PRKAR2A: variants seen among roughly 807,000 people sequenced by gnomAD.
The protein encoded by PRKAR2A is cAMP-dependent protein kinase type II-alpha regulatory subunit.
A neutral mutation model predicts 51.9 loss-of-function variants in PRKAR2A; 29 were observed. That is an observed-to-expected ratio of 0.56 (90% CI 0.42 to 0.76). PRKAR2A has a LOEUF of 0.76. Among genes scored for constraint, PRKAR2A ranks in the 30% least tolerant of loss-of-function variants. The pLI is 0.00. For synonymous variants in PRKAR2A, 178 were observed against 186.2 expected, an observed-to-expected ratio of 0.96 and a Z score of 0.36; for missense variants, 445 against 512.1, an observed-to-expected ratio of 0.87 and a Z score of 1.26.
At chr3:48,785,075 G>A (rs2082265724) in intron 4 of PRKAR2A, among the ~76,000 whole-genome samples, 1 of 147,772 alleles carries the variant, frequency 6.8e-6, no homozygotes, top group Non-Finnish European at 1.5e-5. Context: ...ATGGTATTGT[G>A]TTAACATAGG....
intron 1 of PRKAR2A, among the ~76,000 whole-genome samples, chr3:48,824,893 C>T (rs564625444): frequency 4.2e-4 from 63 of 151,662 alleles, no homozygotes; most frequent in South Asian, 1.9e-3. Flanking sequence ...TTGCAGTGAG[C>T]CGAGATCGTA....
At chr3:48,764,218 AC>A (rs2081904662) in intron 8 of PRKAR2A, among the ~76,000 whole-genome samples, 1 of 152,226 alleles carries the variant, frequency 6.6e-6, no homozygotes, top group South Asian at 2.1e-4. Flanking sequence ...AAAAATACAA[AC>A]ACAGCGGACA....
chr3:48,821,606 A>T (rs1212824766), intron 1 of PRKAR2A, among the ~76,000 whole-genome samples: 2 of 152,226 alleles, frequency 1.3e-5, no homozygotes, highest in Non-Finnish European at 2.9e-5. Flanking sequence ...CTTGAAAGAC[A>T]GTCAAGAACT....
intron 2 of PRKAR2A, among the ~76,000 whole-genome samples, chr3:48,801,421 G>A (rs1188501511): frequency 1.3e-5 from 2 of 151,486 alleles, no homozygotes; most frequent in African/African-American, 2.4e-5. Context: ...CCGAAGTGCC[G>A]GGATTACAGG....
chr3:48,758,456 G>C (rs1453207648), intron 8 of PRKAR2A, among the ~76,000 whole-genome samples: 3 of 150,006 alleles, frequency 2.0e-5, no homozygotes, highest in African/African-American at 7.4e-5. Flanking sequence ...GGTGGTGTGT[G>C]CCTGTAATCC....
At position 48,845,997 on chromosome 3, in the gene PRKAR2A, G is replaced by C. The variant is rs114975383; in HGVS notation, c.262+1338C>G. Among the ~76,000 whole-genome samples the C allele has an allele frequency of 4.0e-3, 613 of 151,880 alleles. 5 individuals are homozygous for C. The highest frequency in any genetic ancestry group is 0.014 in the African/African-American group (564 of 41,432). The stretch of plus-strand genomic sequence containing the variant: ...TTGGATCACCAAATCTGTGAGGGGA[G>C]GGACAGTCTCCAACTTGTTTCCTGC... On this transcript the variant is annotated intron_variant, in intron 1 of 10. Transcript: ENST00000265563.
intron 5 of PRKAR2A, among the ~76,000 whole-genome samples, chr3:48,780,263 A>G (rs1474889791): frequency 1.3e-5 from 2 of 152,082 alleles, no homozygotes; most frequent in African/African-American, 4.8e-5. Context: ...CTCTGAGAAG[A>G]TATTATTTAT....
At chr3:48,839,149 G>A (rs988831695) in intron 1 of PRKAR2A, among the ~76,000 whole-genome samples, 2 of 151,286 alleles carry the variant, frequency 1.3e-5, no homozygotes, top group African/African-American at 2.4e-5. Flanking sequence ...TTAGCCGGGC[G>A]TGGTGACACG....
chr3:48,832,938 T>C (rs754435308), intron 1 of PRKAR2A, among the ~76,000 whole-genome samples: 2 of 152,200 alleles, frequency 1.3e-5, no homozygotes, highest in Non-Finnish European at 2.9e-5. Context: ...CTCCAGATTG[T>C]GCAAATACAT....
chr3:48,798,241 C>T (rs2107333553), intron 2 of PRKAR2A, among the ~76,000 whole-genome samples: 2 of 152,284 alleles, frequency 1.3e-5, no homozygotes, highest in South Asian at 4.1e-4. Flanking sequence ...GTGTGAGCCA[C>T]CATGCCCAGC....
At chr3:48,828,595 G>A (rs889811571) in intron 1 of PRKAR2A, among the ~76,000 whole-genome samples, 10 of 150,376 alleles carry the variant, frequency 6.7e-5, no homozygotes, top group Non-Finnish European at 1.0e-4. Flanking sequence ...GGTGGCCAGC[G>A]CCTCTGGTCC....
At chr3:48,836,733 T>C (rs2083292967) in intron 1 of PRKAR2A, among the ~76,000 whole-genome samples, 1 of 151,578 alleles carries the variant, frequency 6.6e-6, no homozygotes, top group East Asian at 1.9e-4. Context: ...TCCCAGCACT[T>C]TGGGAGGCCA....
intron 8 of PRKAR2A, 97 bp downstream of exon 8, chr3:48,764,907 G>A (rs2081916163): frequency 9.3e-7 from 1 of 1,079,934 alleles, no homozygotes; most frequent in Non-Finnish European, 1.4e-6. Context: ...TTACAGGCGT[G>A]AGCCACTGCG....
intron 1 of PRKAR2A, among the ~76,000 whole-genome samples, chr3:48,828,708 C>CAAAAA (rs547132768): frequency 6.4e-4 from 53 of 82,340 alleles, no homozygotes; most frequent in Middle Eastern, 6.5e-3. Flanking sequence ...CCCCTGTCTC[C>CAAAAA]AAAAAAAAAA....
intron 1 of PRKAR2A, among the ~76,000 whole-genome samples, chr3:48,815,353 T>G (rs574773380): frequency 6.6e-6 from 1 of 150,848 alleles, no homozygotes; most frequent in Non-Finnish European, 1.5e-5. Flanking sequence ...TATATATATA[T>G]ATGACTTAGC....
rs1490338619 is a variant in PRKAR2A, at chr3:48,808,044, C to CTTTTTTTTTTTTTTTTTTTTTTTTTTT, written c.263-361_263-360insAAAAAAAAAAAAAAAAAAAAAAAAAAA. On this transcript the variant is annotated intron_variant, in intron 1 of 10. Transcript: ENST00000265563. ...GTAGTGAAATTTTCTTTTTTTCTTT[C>CTTTTTTTTTTTTTTTTTTTTTTTTTTT]TTTCTTTTTTTTTTTTTTTTTGAGA... 1.5e-5 allele frequency among the ~76,000 whole-genome samples: 2 copies of CTTTTTTTTTTTTTTTTTTTTTTTTTTT among 135,084 alleles called. 1 individual carries two copies. Among genetic ancestry groups the CTTTTTTTTTTTTTTTTTTTTTTTTTTT allele is most frequent in the African/African-American group, 5.4e-5 (2 of 37,328 alleles). The allele number at this position is 135,084 out of a possible 152,430, so 88.6% of individuals were successfully genotyped here. A position where few individuals can be genotyped will look rare whatever the true frequency, so the allele number is the denominator to read the frequency against.
At chr3:48,781,685 G>A (rs561668241) in intron 5 of PRKAR2A, among the ~76,000 whole-genome samples, 1 of 152,138 alleles carries the variant, frequency 6.6e-6, no homozygotes, top group African/African-American at 2.4e-5. Flanking sequence ...GATAATTTTT[G>A]TATTTTTAGT....
intron 9 of PRKAR2A, 144 bp from the exon 10 acceptor site, chr3:48,752,461 G>GTAAA: frequency 1.1e-6 from 1 of 900,712 alleles, no homozygotes; most frequent in South Asian, 1.8e-5. Flanking sequence ...ACTGTACCAT[G>GTAAA]TAAACTCCAT....
chr3:48,821,176 C>A (rs2082953429), intron 1 of PRKAR2A, among the ~76,000 whole-genome samples: 1 of 152,120 alleles, frequency 6.6e-6, no homozygotes, highest in Admixed American at 6.6e-5. Context: ...AAGATCAGAG[C>A]AAGGAGTGGT....
Sources: gnomAD v4.1 joint callset for allele counts (sites outside exome capture counted in the v4.1 genomes callset) on GRCh38, gnomAD v4.1.1 for gene constraint, MANE v1.5 for transcripts, NCBI Gene and HGNC (gene_info 2026-07-23, HGNC 2026-07-21) for gene names.